HMGCLL1: variants seen among roughly 807,000 people sequenced by gnomAD.
HMGCLL1 encodes 3-hydroxy-3-methylglutaryl-CoA lyase like 1.
A neutral mutation model predicts 39.1 loss-of-function variants in HMGCLL1; 36 were observed. The observed-to-expected ratio is 0.92, with a 90% CI of 0.71 to 1.22. The LOEUF (loss-of-function observed/expected upper bound fraction) is 1.22, where lower values mean the gene tolerates loss of function less well. Ranked by LOEUF, HMGCLL1 falls within the 50% of genes most tolerant of loss-of-function variation. HMGCLL1 has a pLI of 0.00. For synonymous variants in HMGCLL1, 149 were observed against 144.0 expected, an observed-to-expected ratio of 1.03 and a Z score of -0.25; for missense variants, 451 against 416.5, an observed-to-expected ratio of 1.08 and a Z score of -0.72.
intron 5 of HMGCLL1, among the ~76,000 whole-genome samples, chr6:55,505,840 G>C (rs2127431097): frequency 6.6e-6 from 1 of 151,728 alleles, no homozygotes; most frequent in African/African-American, 2.4e-5. Flanking sequence ...GAATATTTTA[G>C]GGTTTTCTTT....
the HMGCLL1 span, among the ~76,000 whole-genome samples, chr6:55,665,798 A>G: frequency 1.1e-4 from 16 of 151,772 alleles, no homozygotes; most frequent in South Asian, 2.1e-4. Flanking sequence ...AGTCCTCAAT[A>G]CAGCCTGTTC....
In HMGCLL1 at chr6:55,519,094, T is replaced by G. The variant is rs566154886; in HGVS notation, c.298-2491A>C. On this transcript the variant is annotated intron_variant, in intron 3 of 8. Coordinates refer to ENST00000274901, the MANE Select transcript of HMGCLL1 (RefSeq NM_001042406.2). ...GAAGAGGAAATCACACACTGTGATG[T>G]GTCTTTGAGTTAGGTTCACGTTAGT... 7.9e-5 allele frequency among the ~76,000 whole-genome samples: 12 copies of G among 152,296 alleles called. No individual in the cohort carries two copies. In the South Asian group the frequency reaches 2.5e-3, roughly 32 times the overall value.
intron 7 of HMGCLL1, among the ~76,000 whole-genome samples, chr6:55,494,394 T>C (rs1766475265): frequency 1.3e-5 from 2 of 152,188 alleles, no homozygotes; most frequent in African/African-American, 2.4e-5. Context: ...GCTGCCTAGT[T>C]TTCTATTGTT....
the HMGCLL1 span, among the ~76,000 whole-genome samples, chr6:55,659,109 G>A: frequency 2.0e-5 from 3 of 152,010 alleles, no homozygotes; most frequent in African/African-American, 7.2e-5. Flanking sequence ...ATATTTATGA[G>A]AAATACCATA....
intron 1 of HMGCLL1, chr6:55,563,986 C>T (rs901157991): frequency 2.2e-5 from 15 of 679,252 alleles, no homozygotes; most frequent in African/African-American, 3.7e-5. Flanking sequence ...ACATTCAGCA[C>T]GTGCAGTTTT....
the HMGCLL1 span, among the ~76,000 whole-genome samples, chr6:55,588,732 T>G: frequency 6.6e-6 from 1 of 152,018 alleles, no homozygotes; most frequent in African/African-American, 2.4e-5. Flanking sequence ...ATATCACCAC[T>G]GATCCCACAG....
chr6:55,594,630 C>T, the HMGCLL1 span, among the ~76,000 whole-genome samples: 784 of 152,250 alleles, frequency 5.1e-3, 6 homozygotes, highest in African/African-American at 0.018. Flanking sequence ...AAGTAGAGCA[C>T]GCAGGGTGCT....
At chr6:55,436,847 G>T (rs1447473011) in intron 8 of HMGCLL1, among the ~76,000 whole-genome samples, 1 of 151,928 alleles carries the variant, frequency 6.6e-6, no homozygotes, top group East Asian at 1.9e-4. Flanking sequence ...TTATTTTCAT[G>T]ATGTCTTTTT....
chr6:55,528,108 C>G (rs1043940957), intron 3 of HMGCLL1, among the ~76,000 whole-genome samples: 1 of 151,968 alleles, frequency 6.6e-6, no homozygotes, highest in Non-Finnish European at 1.5e-5. Context: ...GCCCCACCAC[C>G]AACTCTATCG....
chr6:55,635,243 C>A, the HMGCLL1 span, among the ~76,000 whole-genome samples: 27 of 151,934 alleles, frequency 1.8e-4, no homozygotes, highest in Non-Finnish European at 3.4e-4. Flanking sequence ...TCTCTCTGTC[C>A]ATATCTAATG....
Position 55,495,589 on chromosome 6 carries a change from C to T in HMGCLL1, c.625G>A (p.Gly209Ser), listed in dbSNP as rs201475100. 1.7e-5 allele frequency: 28 copies of T among 1,608,782 alleles called. No individual in the cohort carries two copies. The highest frequency in any genetic ancestry group is 1.2e-4 in the Admixed American group (7 of 59,118). Reference protein sequence around the residue: ...KVTEVSKRLYGMGCYEISLGD... With the variant: ...KVTEVSKRLYSMGCYEISLGD... ...AGAGAGATCTCATAACAACCCATGC[C>T]GTACAATCTCTTAGACACCTGTTGA... The change falls in exon 7 of 9, where the codon GGC becomes AGC. Residue 209 changes from glycine to serine, a missense_variant. Physicochemically the swap from Gly to Ser is moderately conservative, Grantham distance 56 (BLOSUM62 0). Coordinates refer to ENST00000274901, the MANE Select transcript of HMGCLL1 (RefSeq NM_001042406.2).
chr6:55,444,615 A>T (rs533968809), intron 7 of HMGCLL1, among the ~76,000 whole-genome samples: 15 of 152,124 alleles, frequency 9.9e-5, no homozygotes, highest in Admixed American at 1.3e-4. Context: ...GATTTGGGAG[A>T]TATATAAAGT....
intron 1 of HMGCLL1, among the ~76,000 whole-genome samples, chr6:55,549,110 T>C (rs1361645148): frequency 1.3e-5 from 2 of 149,356 alleles, no homozygotes; most frequent in African/African-American, 4.9e-5. Context: ...AAATAAACTA[T>C]GAAAAATAGC....
intron 7 of HMGCLL1, among the ~76,000 whole-genome samples, chr6:55,441,622 C>T (rs115599758): frequency 0.024 from 3,640 of 152,104 alleles, 63 homozygotes; most frequent in African/African-American, 0.032. Context: ...GTCAGGTATC[C>T]TTAGCCTCCT....
chr6:55,519,685 T>A (rs1013160141), intron 3 of HMGCLL1, among the ~76,000 whole-genome samples: 15 of 152,100 alleles, frequency 9.9e-5, no homozygotes, highest in Non-Finnish European at 2.9e-5. Flanking sequence ...TTAATCAATA[T>A]TATTAATGCT....
At chr6:55,627,790 G>T in the HMGCLL1 span, among the ~76,000 whole-genome samples, 1 of 138,722 alleles carries the variant, frequency 7.2e-6, no homozygotes, top group Non-Finnish European at 1.5e-5. Flanking sequence ...CTTCAGTTTT[G>T]GGACTTGTAC....
intron 1 of HMGCLL1, among the ~76,000 whole-genome samples, chr6:55,576,164 G>T (rs1329713000): frequency 1.3e-5 from 2 of 152,164 alleles, no homozygotes; most frequent in Non-Finnish European, 2.9e-5. Flanking sequence ...AGGTTACTAT[G>T]CAATAGAAGT....
At position 55,543,188 on chromosome 6, in the gene HMGCLL1, A is replaced by ATATATTATATATT. The variant is rs1334171546; in HGVS notation, c.109-1049_109-1048insAATATATAATATA. 4.1e-4 allele frequency among the ~76,000 whole-genome samples: 3 copies of ATATATTATATATT among 7,344 alleles called. 1 individual carries two copies. The highest frequency in any genetic ancestry group is 6.9e-4 in the Non-Finnish European group (2 of 2,902). 4.8% of individuals were successfully genotyped at this position (7,344 alleles called of 152,430 possible). ...ATATAATATATAATATATAATATAT[A>ATATATTATATATT]ATATATTATATATTATATATTATAT... On this transcript the variant is annotated intron_variant, in intron 1 of 8. Coordinates refer to ENST00000274901, the MANE Select transcript of HMGCLL1 (RefSeq NM_001042406.2).
chr6:55,586,715 G>A, the HMGCLL1 span, among the ~76,000 whole-genome samples: 1 of 151,946 alleles, frequency 6.6e-6, no homozygotes, highest in Non-Finnish European at 1.5e-5. Flanking sequence ...TCCCTATAAA[G>A]GACATGAACT....
Sources: gnomAD v4.1 joint callset for allele counts (sites outside exome capture counted in the v4.1 genomes callset) on GRCh38, gnomAD v4.1.1 for gene constraint, MANE v1.5 for transcripts, NCBI Gene and HGNC (gene_info 2026-07-23, HGNC 2026-07-21) for gene names.